Variants in RASA2 observed in about 807,000 individuals in gnomAD.
RASA2 encodes the protein RAS p21 protein activator 2, also known as ras GTPase-activating protein 2.
A neutral mutation model predicts 118.2 loss-of-function variants in RASA2; 155 were observed. The observed-to-expected ratio is 1.31, with a 90% CI of 1.15 to 1.50. The LOEUF (loss-of-function observed/expected upper bound fraction) is 1.50, where lower values mean the gene tolerates loss of function less well. RASA2 is among the 40% of genes most tolerant of loss of function. The probability of loss-of-function intolerance (pLI) is 0.00; values close to 1 mark genes in which losing one functional copy is unlikely to be tolerated. For synonymous variants in RASA2, 353 were observed against 349.1 expected (o/e 1.01, Z -0.12); for missense variants, 1,016 against 1,009.6 (o/e 1.01, Z -0.09).
At chr3:141,574,609 CTT>C (rs2082981724) in intron 14 of RASA2, among the ~76,000 whole-genome samples, 1 of 152,134 alleles carries the variant, frequency 6.6e-6, no homozygotes, top group African/African-American at 2.4e-5. Flanking sequence ...TATAATGCAA[CTT>C]TATACAAAGA....
chr3:141,558,185 G>A (rs955730028), intron 7 of RASA2, among the ~76,000 whole-genome samples: 5 of 152,130 alleles, frequency 3.3e-5, no homozygotes, highest in South Asian at 2.1e-4. Context: ...AGCCCTGTCC[G>A]CCTCTGAGCA....
chr3:141,599,241 G>GTT (rs577049346), intron 19 of RASA2, among the ~76,000 whole-genome samples: 31 of 117,786 alleles, frequency 2.6e-4, no homozygotes, highest in African/African-American at 6.2e-4. Context: ...TGTTTTTTGG[G>GTT]TTTTTTTTTT....
At chr3:141,590,061 C>A (rs1362583336) in intron 19 of RASA2, 2 of 451,430 alleles carry the variant, frequency 4.4e-6, no homozygotes, top group African/African-American at 2.0e-5. Flanking sequence ...AGCTTCCATG[C>A]TTTTTGTTTT....
At chr3:141,601,751 A>T (rs936041706) in intron 19 of RASA2, among the ~76,000 whole-genome samples, 2 of 151,946 alleles carry the variant, frequency 1.3e-5, no homozygotes, top group African/African-American at 4.8e-5. Context: ...CAAATTTGGG[A>T]CTTTTTTGAC....
chr3:141,533,773 A>T (rs1205993231), intron 4 of RASA2, among the ~76,000 whole-genome samples: 2 of 151,832 alleles, frequency 1.3e-5, no homozygotes, highest in East Asian at 3.9e-4. Flanking sequence ...GCTTGATTCT[A>T]CCTTTTGTAA....
At position 141,608,751 on chromosome 3, in the gene RASA2, C is replaced by T. The variant is rs2312266; in HGVS notation, c.2225+54C>T. The T allele has an allele frequency of 0.27, 406,498 of 1,511,908 alleles. 60,494 individuals are homozygous for T. Among genetic ancestry groups the T allele is most frequent in the Non-Finnish European group, 0.31 (336,100 of 1,091,932 alleles). 93.7% of individuals were successfully genotyped at this position (1,511,908 alleles called of 1,614,324 possible). ...TGTGTCAAAATTTGATATATCCATG[C>T]AATGTTAATATTATTTGTCCATGAA... On this transcript the variant is annotated intron_variant, in intron 21 of 23. Transcript: ENST00000286364.
At chr3:141,553,555 A>G (rs956894544) in intron 5 of RASA2, among the ~76,000 whole-genome samples, 2 of 152,078 alleles carry the variant, frequency 1.3e-5, no homozygotes, top group African/African-American at 4.8e-5. Flanking sequence ...AAAGTTTTGA[A>G]TTTTGGAGGA....
chr3:141,549,575 A>G (rs914738853), intron 5 of RASA2, among the ~76,000 whole-genome samples: 3 of 151,964 alleles, frequency 2.0e-5, no homozygotes, highest in African/African-American at 4.8e-5. Context: ...AATGCTTTGT[A>G]TCTTCACTGT....
chr3:141,523,403 C>T (rs148322934), intron 3 of RASA2, among the ~76,000 whole-genome samples: 98 of 152,272 alleles, frequency 6.4e-4, no homozygotes, highest in African/African-American at 2.2e-3. Flanking sequence ...CGTGAGCCAC[C>T]GTGCCCAGCC....
At chr3:141,608,390 C>A in intron 20 of RASA2, 99 bp from the exon 21 acceptor site, 1 of 1,143,080 alleles carries the variant, frequency 8.7e-7, no homozygotes, top group Non-Finnish European at 1.3e-6. Context: ...GTTATCTAGC[C>A]AAGCAACTAG....
rs369032376 is a variant in RASA2 at position 141,571,464 on chromosome 3, C to G, written c.1079C>G (p.Ala360Gly). 32 of 1,613,370 alleles carry G rather than the reference C, an allele frequency of 2.0e-5. No individual in the cohort carries two copies. The African/African-American group carries it at 4.0e-4, about 20-fold the overall frequency. ...LSEICRDKND[A>G]VLPLVRLLLH... ...GAAATATGTCGAGATAAAAATGATGCTGTTTTGCCCCTTGTACGACTGCTG... is the reference window on the plus strand; with the variant it reads ...GAAATATGTCGAGATAAAAATGATGGTGTTTTGCCCCTTGTACGACTGCTG... The change falls in exon 11 of 24, where the codon GCT (alanine) becomes GGT (glycine). Residue 360 changes from alanine to glycine, a missense_variant. Physicochemically the swap from Ala to Gly is moderately conservative, Grantham distance 60. This residue lies in a region of RASA2 where 896 missense variants were observed against 836.4 expected (regional missense o/e 1.07). Coordinates refer to ENST00000286364, the MANE Select transcript of RASA2 (RefSeq NM_006506.5).
Position 141,516,417 on chromosome 3 carries a change from G to A in RASA2, c.341G>A (p.Arg114Lys). ...GTTTATGATAAGAATGTTTTACAAA[G>A]AGATCTCCGTATAGGTATGTACTAT... is the stretch of plus-strand genomic sequence containing the variant. ...FYVYDKNVLQ[R>K]DLRIGKVAIK... The change falls in exon 3 of 24, where the codon AGA (arginine) becomes AAA (lysine). Residue 114 changes from arginine to lysine, a missense_variant. By Grantham distance (26) the Arg-to-Lys change is conservative. Around this residue, in one of 2 missense-constraint regions of RASA2, gnomAD observed 896 missense variants for 836.4 expected, o/e 1.07. Coordinates refer to ENST00000286364, the MANE Select transcript of RASA2 (RefSeq NM_006506.5). 6.5e-7 allele frequency: 1 copy of A among 1,546,458 alleles called. No homozygotes were observed. The highest frequency in any genetic ancestry group is 8.7e-7 in the Non-Finnish European group (1 of 1,145,934).
At position 141,581,161 on chromosome 3, in the gene RASA2, T is replaced by C; in HGVS notation, c.1736T>C (p.Ile579Thr). 1 of 1,524,442 alleles carries C rather than the reference T, an allele frequency of 6.6e-7. No individual in the cohort carries two copies. The highest frequency in any genetic ancestry group is 8.7e-7 in the Non-Finnish European group (1 of 1,143,632). 94.4% of individuals were successfully genotyped at this position (1,524,442 alleles called of 1,614,324 possible). Reference sequence around the variant, plus strand: ...AAAATGTTTCAAGAAGAAGGATATATTATAGCAGTTAAAAAGGTATGATGG... The same window carrying C: ...AAAATGTTTCAAGAAGAAGGATATACTATAGCAGTTAAAAAGGTATGATGG... ...FFKMFQEEGY[I>T]IAVKKFLDEI... Residue 579 changes from isoleucine to threonine, a missense_variant, in exon 17 of 24, where the codon ATT becomes ACT. Coordinates refer to ENST00000286364, the MANE Select transcript of RASA2 (RefSeq NM_006506.5).
chr3:141,571,911 A>T (rs1160695189), intron 11 of RASA2, among the ~76,000 whole-genome samples: 1 of 151,824 alleles, frequency 6.6e-6, no homozygotes, highest in Non-Finnish European at 1.5e-5. Flanking sequence ...CATTCTAAAA[A>T]GCAGTCAAGT....
intron 1 of RASA2, among the ~76,000 whole-genome samples, chr3:141,498,173 G>A (rs943149600): frequency 1.3e-5 from 2 of 152,144 alleles, no homozygotes; most frequent in African/African-American, 4.8e-5. Context: ...AATATTTCAT[G>A]TAATCCAATT....
intron 19 of RASA2, chr3:141,600,600 A>C (rs2083448155): frequency 4.9e-6 from 1 of 203,070 alleles, no homozygotes. Flanking sequence ...GGCAGAGGGC[A>C]AAGAGAGCAA....
intron 19 of RASA2, among the ~76,000 whole-genome samples, chr3:141,588,029 A>G (rs2083233329): frequency 6.6e-6 from 1 of 152,174 alleles, no homozygotes. Flanking sequence ...TCTTGTGTAA[A>G]TATACCCATA....
At chr3:141,548,154 A>G (rs771586710) in intron 5 of RASA2, among the ~76,000 whole-genome samples, 2 of 151,868 alleles carry the variant, frequency 1.3e-5, no homozygotes, top group Non-Finnish European at 2.9e-5. Context: ...TCTTTTTTTG[A>G]TGTATCTCTC....
At chr3:141,588,966 C>T (rs1012390877) in intron 19 of RASA2, among the ~76,000 whole-genome samples, 2 of 151,856 alleles carry the variant, frequency 1.3e-5, no homozygotes, top group South Asian at 2.1e-4. Flanking sequence ...CTCAGCCTCC[C>T]GAGTAGCTGG....
Sources: allele counts gnomAD v4.1 joint callset (sites outside exome capture counted in the v4.1 genomes callset), GRCh38; gene constraint gnomAD v4.1.1; regional missense constraint gnomAD v4.1.1; transcripts MANE v1.5; gene names NCBI Gene and HGNC (gene_info 2026-07-23, HGNC 2026-07-21).